The following SH3RF1 variants were observed in gnomAD, a reference collection of about 807,000 sequenced individuals.
The protein encoded by SH3RF1 is E3 ubiquitin-protein ligase SH3RF1.
In SH3RF1, 32 loss-of-function variants were observed where a neutral mutation model predicts 74.0. That is an observed-to-expected ratio of 0.43 (90% CI 0.33 to 0.58). The LOEUF (loss-of-function observed/expected upper bound fraction) is 0.58, where lower values mean the gene tolerates loss of function less well. SH3RF1 is among the 20% of genes least tolerant of loss of function. SH3RF1 has a pLI of 0.05. For synonymous variants in SH3RF1, 396 were observed against 439.6 expected (o/e 0.90, Z 1.24); for missense variants, 954 against 1,130.9 (o/e 0.84, Z 2.24).
At chr4:169,122,298 A>G in intron 6 of SH3RF1, 32 bp from the exon 7 acceptor site, 3 of 1,543,608 alleles carry the variant, frequency 1.9e-6, no homozygotes, top group Non-Finnish European at 2.6e-6. Context: ...GAGAAAGGGA[A>G]AAAAGGGAAC....
intron 2 of SH3RF1, among the ~76,000 whole-genome samples, chr4:169,224,207 C>T (rs1392443870): frequency 2.0e-5 from 3 of 152,104 alleles, no homozygotes; most frequent in Admixed American, 2.0e-4. Context: ...TCCTGTATGG[C>T]CTTGTGGTCA....
At chr4:169,249,797 T>C (rs1731068460) in intron 2 of SH3RF1, among the ~76,000 whole-genome samples, 1 of 152,178 alleles carries the variant, frequency 6.6e-6, no homozygotes, top group Non-Finnish European at 1.5e-5. Flanking sequence ...ACTGCAGTCA[T>C]GTTTATGAGT....
intron 5 of SH3RF1, among the ~76,000 whole-genome samples, chr4:169,135,789 T>C (rs1386682775): frequency 6.6e-6 from 1 of 152,214 alleles, no homozygotes; most frequent in East Asian, 1.9e-4. Context: ...AAAGTTGTAA[T>C]GAACTAATGA....
chr4:169,246,410 G>A (rs552715042), intron 2 of SH3RF1, among the ~76,000 whole-genome samples: 1 of 152,276 alleles, frequency 6.6e-6, no homozygotes, highest in East Asian at 1.9e-4. Context: ...ACTGAGCTAG[G>A]AGTATGTGCA....
chr4:169,174,936 G>A (rs1463503612), intron 2 of SH3RF1, among the ~76,000 whole-genome samples: 1 of 152,134 alleles, frequency 6.6e-6, no homozygotes, highest in Admixed American at 6.5e-5. Context: ...CACATCTCCT[G>A]TTGAATATCT....
chr4:169,146,457 T>C (rs1287584050), intron 4 of SH3RF1, among the ~76,000 whole-genome samples: 1 of 151,986 alleles, frequency 6.6e-6, no homozygotes, highest in Non-Finnish European at 1.5e-5. Flanking sequence ...CTCGAACTCC[T>C]GAACTTGTGA....
rs1047871948 is a variant in SH3RF1, at chr4:169,218,434, T to C, written c.393+50386A>G. ...GAATATAAATATATATTATAGAATATAGAATATAATACATGTTATATAATA... is the reference window on the plus strand; with the variant it reads ...GAATATAAATATATATTATAGAATACAGAATATAATACATGTTATATAATA... On this transcript the variant is annotated intron_variant, in intron 2 of 11. Transcript: ENST00000284637. 8.8e-4 allele frequency among the ~76,000 whole-genome samples: 126 copies of C among 143,060 alleles called. 2 individuals carry two copies. Among genetic ancestry groups the C allele is most frequent in the East Asian group, 7.7e-3 (39 of 5,098 alleles). 93.9% of individuals were successfully genotyped at this position (143,060 alleles called of 152,430 possible).
intron 4 of SH3RF1, among the ~76,000 whole-genome samples, chr4:169,153,377 T>C (rs1409530118): frequency 6.6e-6 from 1 of 152,224 alleles, no homozygotes; most frequent in Non-Finnish European, 1.5e-5. Context: ...ATTTATAAGA[T>C]ATAAGAGAAT....
At chr4:169,132,655 CT>C (rs1733637224) in intron 5 of SH3RF1, among the ~76,000 whole-genome samples, 1 of 146,922 alleles carries the variant, frequency 6.8e-6, no homozygotes, top group South Asian at 2.1e-4. Flanking sequence ...GTTGTCTCCT[CT>C]GCAAGAAAGG....
chr4:169,212,057 C>CTTTTTTTTTTTTTTT (rs34108534), intron 2 of SH3RF1, among the ~76,000 whole-genome samples: 1 of 48,268 alleles, frequency 2.1e-5, no homozygotes, highest in East Asian at 6.5e-4. Flanking sequence ...CTTTTCTTTT[C>CTTTTTTTTTTTTTTT]TTTTTTTTTT....
chr4:169,194,078 T>C (rs553048607), intron 2 of SH3RF1, among the ~76,000 whole-genome samples: 3 of 152,170 alleles, frequency 2.0e-5, no homozygotes, highest in Admixed American at 2.0e-4. Flanking sequence ...CAAGAGAACA[T>C]CCCAACATTT....
chr4:169,201,994 T>C (rs1734917365), intron 2 of SH3RF1: 1 of 152,134 alleles, frequency 6.6e-6, no homozygotes, highest in African/African-American at 2.4e-5. Flanking sequence ...ACACAGTATC[T>C]AATGTTCTCA....
At chr4:169,101,088 T>C (rs1733019807) in intron 11 of SH3RF1, among the ~76,000 whole-genome samples, 1 of 152,228 alleles carries the variant, frequency 6.6e-6, no homozygotes, top group African/African-American at 2.4e-5. Context: ...AATGTATTAT[T>C]ACCATCTGTG....
At chr4:169,242,736 C>T (rs11945601) in intron 2 of SH3RF1, among the ~76,000 whole-genome samples, 52 of 152,268 alleles carry the variant, frequency 3.4e-4, no homozygotes, top group African/African-American at 1.2e-3. Flanking sequence ...GTTATAAAAG[C>T]GCGTTTGGCC....
At chr4:169,210,606 T>C (rs1730341497) in intron 2 of SH3RF1, among the ~76,000 whole-genome samples, 1 of 152,246 alleles carries the variant, frequency 6.6e-6, no homozygotes, top group Non-Finnish European at 1.5e-5. Flanking sequence ...AAGTTTAGCC[T>C]AAAGTGGCCT....
intron 2 of SH3RF1, among the ~76,000 whole-genome samples, chr4:169,178,768 C>T (rs1438261385): frequency 2.0e-5 from 3 of 152,180 alleles, no homozygotes; most frequent in Non-Finnish European, 4.4e-5. Context: ...TCCCTAATGT[C>T]TCAGTCTTTT....
chr4:169,167,354 C>T (rs924097043), intron 2 of SH3RF1, among the ~76,000 whole-genome samples: 11 of 152,142 alleles, frequency 7.2e-5, no homozygotes, highest in African/African-American at 2.7e-4. Flanking sequence ...CTAGAATTTA[C>T]ATAGATTGCT....
At chr4:169,211,488 A>AG (rs1730366219) in intron 2 of SH3RF1, among the ~76,000 whole-genome samples, 1 of 151,494 alleles carries the variant, frequency 6.6e-6, no homozygotes, top group Non-Finnish European at 1.5e-5. Context: ...TCTCAAAAAA[A>AG]AAAAAAAAAA....
chr4:169,173,545 G>C (rs1055054512), intron 2 of SH3RF1, among the ~76,000 whole-genome samples: 5 of 152,182 alleles, frequency 3.3e-5, no homozygotes, highest in Non-Finnish European at 7.3e-5. Flanking sequence ...AAGACCTTGT[G>C]ATTCAATTAG....
Sources: gnomAD v4.1 joint callset for allele counts (sites outside exome capture counted in the v4.1 genomes callset) on GRCh38, gnomAD v4.1.1 for gene constraint, MANE v1.5 for transcripts, NCBI Gene and HGNC (gene_info 2026-07-23, HGNC 2026-07-21) for gene names.